CACNA1D: variants seen among roughly 807,000 people sequenced by gnomAD.
CACNA1D encodes the protein calcium voltage-gated channel subunit alpha1 D, also known as voltage-dependent L-type calcium channel subunit alpha-1D.
A neutral mutation model predicts 257.1 loss-of-function variants in CACNA1D; 55 were observed. That is an observed-to-expected ratio of 0.21 (90% CI 0.17 to 0.27). CACNA1D has a LOEUF of 0.27. CACNA1D is among the 10% of genes least tolerant of loss of function. The probability of loss-of-function intolerance (pLI) is 1.00; values close to 1 mark genes in which losing one functional copy is unlikely to be tolerated. For synonymous variants in CACNA1D, 980 were observed against 1,014.9 expected (o/e 0.97, Z 0.65); for missense variants, 1,876 against 2,784.0 (o/e 0.67, Z 7.34).
intron 3 of CACNA1D, among the ~76,000 whole-genome samples, chr3:53,554,652 ATTC>A (rs1390307224): frequency 6.6e-6 from 1 of 152,174 alleles, no homozygotes; most frequent in Non-Finnish European, 1.5e-5. Context: ...TAGGGATTAG[ATTC>A]TTCTTTGTTC....
At chr3:53,719,840 T>G (rs2094862725) in intron 11 of CACNA1D, 59 bp downstream of exon 11, 1 of 1,476,404 alleles carries the variant, frequency 6.8e-7, no homozygotes. Context: ...ATGTTCTCAC[T>G]TCTGAATTTT....
At chr3:53,627,537 A>G (rs976900437) in intron 3 of CACNA1D, among the ~76,000 whole-genome samples, 2 of 143,728 alleles carry the variant, frequency 1.4e-5, no homozygotes, top group Non-Finnish European at 3.0e-5. Context: ...TCTAGCTGTT[A>G]TCCTCTTCCA....
At chr3:53,552,671 T>C (rs772288587) in intron 3 of CACNA1D, among the ~76,000 whole-genome samples, 10 of 152,150 alleles carry the variant, frequency 6.6e-5, no homozygotes, top group Non-Finnish European at 1.5e-4. Flanking sequence ...CATTTCCCTT[T>C]CTTGTTTGAT....
chr3:53,771,124 T>C (rs1370159174), intron 32 of CACNA1D, among the ~76,000 whole-genome samples: 1 of 152,172 alleles, frequency 6.6e-6, no homozygotes, highest in African/African-American at 2.4e-5. Context: ...CTTTCCCAAG[T>C]AGAACCAGCT....
intron 3 of CACNA1D, among the ~76,000 whole-genome samples, chr3:53,534,696 T>G (rs1324544391): frequency 2.0e-5 from 3 of 152,246 alleles, no homozygotes; most frequent in African/African-American, 7.2e-5. Context: ...CACATTCACA[T>G]GCTCACTATT....
At chr3:53,712,804 TC>T (rs1306003173) in intron 9 of CACNA1D, among the ~76,000 whole-genome samples, 1 of 152,128 alleles carries the variant, frequency 6.6e-6, no homozygotes, top group African/African-American at 2.4e-5. Context: ...AAAAAGTCTG[TC>T]CTGTGGAGAA....
At chr3:53,805,404 C>T (rs764233638) in intron 45 of CACNA1D, among the ~76,000 whole-genome samples, 8 of 152,206 alleles carry the variant, frequency 5.3e-5, no homozygotes, top group Non-Finnish European at 1.2e-4. Flanking sequence ...TAAGATTGCA[C>T]GCACACATCT....
At chr3:53,763,895 A>G (rs1435982668) in intron 30 of CACNA1D, among the ~76,000 whole-genome samples, 1 of 152,206 alleles carries the variant, frequency 6.6e-6, no homozygotes, top group Non-Finnish European at 1.5e-5. Flanking sequence ...GATATGTTAT[A>G]GTGATAAAAT....
At chr3:53,726,765 A>T in intron 14 of CACNA1D, 114 bp from the exon 15 acceptor site, 1 of 1,287,888 alleles carries the variant, frequency 7.8e-7, no homozygotes. Context: ...GTTCAGTGCA[A>T]ACTGGACTGT....
chr3:53,498,624 A>C (rs1211043887), intron 2 of CACNA1D, among the ~76,000 whole-genome samples: 1 of 152,166 alleles, frequency 6.6e-6, no homozygotes, highest in African/African-American at 2.4e-5. Context: ...GAGGGGCCAC[A>C]CCAAAAAGGG....
intron 37 of CACNA1D, among the ~76,000 whole-genome samples, chr3:53,779,394 TG>T (rs899799534): frequency 2.6e-5 from 4 of 151,328 alleles, no homozygotes; most frequent in South Asian, 4.2e-4. Flanking sequence ...GATATGGAGG[TG>T]TATATGTATG....
chr3:53,546,988 A>G (rs1470537299), intron 3 of CACNA1D, among the ~76,000 whole-genome samples: 1 of 152,238 alleles, frequency 6.6e-6, no homozygotes, highest in Non-Finnish European at 1.5e-5. Context: ...AGTACCAAAC[A>G]TTGGCCCAAA....
At chr3:53,762,426 G>A in intron 30 of CACNA1D, 1 of 423,834 alleles carries the variant, frequency 2.4e-6, no homozygotes, top group South Asian at 1.9e-5. Context: ...TTTATTTTAG[G>A]GGGATGTTTC....
rs898409 is a variant in CACNA1D, at chr3:53,723,132, A to C, written c.1667-302A>C. Among the ~76,000 whole-genome samples the C allele has an allele frequency of 0.87, 133,071 of 152,150 alleles. 58,321 individuals are homozygous for C. Among genetic ancestry groups the C allele is most frequent in the East Asian group, 1 (5,166 of 5,168 alleles). ...ATCGTAGGCTTTTAGGGCTGGAAGG[A>C]GTCAGAGATTATGTGATGAGCTGCC... On this transcript the variant is annotated intron_variant, in intron 12 of 47. Coordinates refer to ENST00000350061, the MANE Select transcript of CACNA1D (RefSeq NM_001128840.3). This position sits in a 1 kb window ranked among gnomAD's most constrained non-coding sequence, Gnocchi z 5.6.
intron 3 of CACNA1D, among the ~76,000 whole-genome samples, chr3:53,646,149 T>C (rs947682655): frequency 3.3e-5 from 5 of 152,068 alleles, no homozygotes; most frequent in Non-Finnish European, 5.9e-5. Flanking sequence ...AGGGAGCAGG[T>C]TGGCCCATGA....
Position 53,494,669 on chromosome 3 carries a change from C to T in CACNA1D, c.-498C>T, listed in dbSNP as rs966740453. The T allele has an allele frequency of 2.7e-5, 4 of 145,664 alleles. No homozygotes were observed. The highest frequency in any genetic ancestry group is 4.9e-5 in the African/African-American group (2 of 40,510). 9.0% of individuals were successfully genotyped at this position (145,664 alleles called of 1,614,324 possible). A position where few individuals can be genotyped will look rare whatever the true frequency, so the allele number is the denominator to read the frequency against. Reference sequence around the variant, plus strand: ...GAGCGAGCGGGCGGGCGAGCGCCTCCGTCCCCGGATGTGAGCTCCGGCTGC... The same window carrying T: ...GAGCGAGCGGGCGGGCGAGCGCCTCTGTCCCCGGATGTGAGCTCCGGCTGC... On this transcript the variant is annotated 5_prime_UTR_variant, in exon 1 of 48. Transcript: ENST00000350061.
Position 53,494,919 on chromosome 3 carries a change from T to A in CACNA1D, c.-248T>A, listed in dbSNP as rs1331737402. ...ATAATATATACATTGGATTTTATTT[T>A]TTTAAAAAGTTTATTTTGCTCCATT... On this transcript the variant is annotated 5_prime_UTR_variant, in exon 1 of 48. Coordinates refer to ENST00000350061, the MANE Select transcript of CACNA1D (RefSeq NM_001128840.3). The A allele has an allele frequency of 3.9e-6, 2 of 507,762 alleles. No individual in the cohort carries two copies. Among genetic ancestry groups the A allele is most frequent in the Admixed American group, 3.2e-5 (1 of 31,358 alleles). 31.5% of individuals were successfully genotyped at this position (507,762 alleles called of 1,614,324 possible).
intron 47 of CACNA1D, among the ~76,000 whole-genome samples, chr3:53,810,776 A>AC (rs1302483396): frequency 2.7e-5 from 4 of 149,452 alleles, no homozygotes; most frequent in Non-Finnish European, 5.9e-5. Flanking sequence ...AAAAAAAAAA[A>AC]AAAAAAAAAA....
chr3:53,588,520 A>T, intron 3 of CACNA1D, among the ~76,000 whole-genome samples: 1 of 152,032 alleles, frequency 6.6e-6, no homozygotes, highest in Non-Finnish European at 1.5e-5. Flanking sequence ...TGCTTCCCAG[A>T]GGTTATGGAA....
Sources: gnomAD v4.1 joint callset for allele counts (sites outside exome capture counted in the v4.1 genomes callset) on GRCh38, gnomAD v4.1.1 for gene constraint, Gnocchi (gnomAD v3.1) non-coding constraint, MANE v1.5 for transcripts, NCBI Gene and HGNC (gene_info 2026-07-23, HGNC 2026-07-21) for gene names.